The following NAALADL2 variants were observed in gnomAD, a reference collection of about 807,000 sequenced individuals.
NAALADL2 encodes inactive N-acetylated-alpha-linked acidic dipeptidase-like protein 2.
Under a neutral mutation model 87.2 loss-of-function variants are expected in NAALADL2, and 76 were observed. The ratio of observed to expected loss-of-function variants is 0.87; its 90% CI spans 0.72 to 1.05. The LOEUF is 1.05. Ranked by LOEUF, NAALADL2 falls within the 50% of genes least tolerant of loss-of-function variation. The probability of loss-of-function intolerance (pLI) is 0.00; values close to 1 mark genes in which losing one functional copy is unlikely to be tolerated. For synonymous variants in NAALADL2, 354 were observed against 331.0 expected, an observed-to-expected ratio of 1.07 and a Z score of -0.75; for missense variants, 1,089 against 945.8, an observed-to-expected ratio of 1.15 and a Z score of -1.99.
At chr3:175,352,459 C>T (rs78845927) in intron 5 of NAALADL2, among the ~76,000 whole-genome samples, 2,138 of 152,166 alleles carry the variant, frequency 0.014, 48 homozygotes, top group African/African-American at 0.05. Context: ...ATAATTTTGT[C>T]CAGAGTTAAG....
intron 1 of NAALADL2, among the ~76,000 whole-genome samples, chr3:174,892,651 C>T (rs78126743): frequency 0.032 from 4,839 of 152,084 alleles, 260 homozygotes; most frequent in African/African-American, 0.11. Context: ...AGTTCCAATG[C>T]GGTGTCTCAC....
intron 11 of NAALADL2, among the ~76,000 whole-genome samples, chr3:175,691,690 A>ACCTATTTCAG (rs1207566102): frequency 1.3e-5 from 2 of 152,044 alleles, no homozygotes; most frequent in Non-Finnish European, 2.9e-5. Context: ...TTTTGGTGTG[A>ACCTATTTCAG]ATGGCTTTAG....
intron 3 of NAALADL2, among the ~76,000 whole-genome samples, chr3:174,816,978 G>A (rs1468015203): frequency 6.6e-6 from 1 of 152,122 alleles, no homozygotes; most frequent in Admixed American, 6.6e-5. Flanking sequence ...ACAAAATTTG[G>A]TAGTATTACT....
At chr3:174,917,139 T>G (rs1046495884) in intron 1 of NAALADL2, among the ~76,000 whole-genome samples, 4 of 152,084 alleles carry the variant, frequency 2.6e-5, no homozygotes, top group Non-Finnish European at 4.4e-5. Flanking sequence ...AAGTGTAAAT[T>G]AATAACAGTC....
intron 1 of NAALADL2, among the ~76,000 whole-genome samples, chr3:174,541,799 C>T (rs1428088008): frequency 6.6e-6 from 1 of 152,274 alleles, no homozygotes; most frequent in Non-Finnish European, 1.5e-5. Flanking sequence ...AAAGACACTG[C>T]TGATGATGCA....
At chr3:174,991,689 G>A (rs951598102) in intron 1 of NAALADL2, among the ~76,000 whole-genome samples, 3 of 152,000 alleles carry the variant, frequency 2.0e-5, no homozygotes, top group African/African-American at 7.2e-5. Context: ...AGCTGTCCTT[G>A]AGAATATGGA....
chr3:174,540,776 G>A (rs1393969729), intron 1 of NAALADL2: 1 of 152,150 alleles, frequency 6.6e-6, no homozygotes, highest in Non-Finnish European at 1.5e-5. Context: ...TTTGCATTAG[G>A]ACAAAGCATT....
At chr3:175,269,127 CG>C (rs71626207) in intron 4 of NAALADL2, among the ~76,000 whole-genome samples, 36,871 of 151,212 alleles carry the variant, frequency 0.24, 5,218 homozygotes, top group South Asian at 0.47. Flanking sequence ...TCAGTAGAGA[CG>C]GGATTTCACC....
Position 175,471,763 on chromosome 3 carries a change from G to A in NAALADL2, c.1653+5G>A. The A allele has an allele frequency of 1.3e-6, 2 of 1,597,756 alleles. No individual in the cohort carries two copies. Among genetic ancestry groups the A allele is most frequent in the Non-Finnish European group, 1.7e-6 (2 of 1,174,094 alleles). On this transcript the variant is annotated splice_donor_5th_base_variant and intron_variant, in intron 9 of 13. Coordinates refer to ENST00000454872, the MANE Select transcript of NAALADL2 (RefSeq NM_207015.3). ...CTTCAGCAACTGGTAGTAGAGGTAAGACAAACCACTATTGTATCAAATGAT... is the reference window on the plus strand; with the variant it reads ...CTTCAGCAACTGGTAGTAGAGGTAAAACAAACCACTATTGTATCAAATGAT...
At chr3:175,675,248 C>G (rs1011386540) in intron 11 of NAALADL2, 2 of 152,166 alleles carry the variant, frequency 1.3e-5, no homozygotes, top group Non-Finnish European at 2.9e-5. Context: ...GTCTCTATAT[C>G]AATAGATATG....
intron 2 of NAALADL2, among the ~76,000 whole-genome samples, chr3:174,708,081 A>G (rs775572): frequency 0.82 from 125,089 of 152,094 alleles, 51,643 homozygotes; most frequent in Middle Eastern, 0.91. Flanking sequence ...AATCTAAGGA[A>G]CCATAGCCAA....
chr3:175,450,823 G>A (rs1383764315), intron 6 of NAALADL2, among the ~76,000 whole-genome samples: 3 of 152,040 alleles, frequency 2.0e-5, no homozygotes, highest in Non-Finnish European at 4.4e-5. Context: ...TTCAAGGATG[G>A]TACAAGTCTG....
chr3:174,726,911 A>T (rs926981983), intron 2 of NAALADL2, among the ~76,000 whole-genome samples: 1 of 152,068 alleles, frequency 6.6e-6, no homozygotes, highest in Non-Finnish European at 1.5e-5. Context: ...TCTCCATGCT[A>T]GCCCCTTTCT....
At position 175,061,235 on chromosome 3, in the gene NAALADL2, A is replaced by C. The variant is rs375102047; in HGVS notation, c.44-35555A>C. ...TTACCAATGAGAAAAGCCTAAATAA[A>C]TTGGAATTAGTTCATGTGCAGATGA... On this transcript the variant is annotated intron_variant, in intron 1 of 13. Transcript: ENST00000454872. Among the ~76,000 whole-genome samples, 22 of 152,304 alleles carry C rather than the reference A, an allele frequency of 1.4e-4. No individual in the cohort carries two copies. The East Asian group carries it at 2.3e-3, about 16-fold the overall frequency.
intron 5 of NAALADL2, among the ~76,000 whole-genome samples, chr3:175,400,899 C>T (rs141382602): frequency 1.0e-3 from 153 of 152,186 alleles, no homozygotes; most frequent in Admixed American, 3.7e-3. Context: ...TGAATTAGCA[C>T]GTATTACCAT....
intron 2 of NAALADL2, among the ~76,000 whole-genome samples, chr3:174,579,054 C>A (rs1008616590): frequency 2.0e-5 from 3 of 151,748 alleles, no homozygotes; most frequent in Non-Finnish European, 2.9e-5. Context: ...CACACAGAGA[C>A]CACTAACACC....
chr3:174,755,002 G>A (rs1479217038), intron 3 of NAALADL2, among the ~76,000 whole-genome samples: 1 of 152,158 alleles, frequency 6.6e-6, no homozygotes, highest in Non-Finnish European at 1.5e-5. Flanking sequence ...TAGGCTTTGT[G>A]TCCCCACCCA....
At chr3:175,519,650 A>G (rs1201378916) in intron 9 of NAALADL2, among the ~76,000 whole-genome samples, 1 of 152,200 alleles carries the variant, frequency 6.6e-6, no homozygotes, top group Admixed American at 6.5e-5. Context: ...TGATGATGAA[A>G]TCCAAATGGT....
Position 175,807,693 on chromosome 3 carries a change from GA to G in NAALADL2, c.*4496del, listed in dbSNP as rs34411803. 3 of 151,744 alleles carry G rather than the reference GA, an allele frequency of 2.0e-5. No individual in the cohort carries two copies. Among genetic ancestry groups the G allele is most frequent in the African/African-American group, 4.8e-5 (2 of 41,364 alleles). 9.4% of individuals were successfully genotyped at this position (151,744 alleles called of 1,614,324 possible). Reference sequence around the variant, plus strand: ...CATGGGACCATGGATACAGTGCAGGGAAAAAACAAACAAACAATATTTGAGA... The same window carrying G: ...CATGGGACCATGGATACAGTGCAGGGAAAAACAAACAAACAATATTTGAGA... On this transcript the variant is annotated 3_prime_UTR_variant, in exon 14 of 14. Transcript: ENST00000454872.
Sources: gnomAD v4.1 joint callset for allele counts (sites outside exome capture counted in the v4.1 genomes callset) on GRCh38, gnomAD v4.1.1 for gene constraint, MANE v1.5 for transcripts, NCBI Gene and HGNC (gene_info 2026-07-23, HGNC 2026-07-21) for gene names.